The following ANKRD31 variants were observed in gnomAD, a reference collection of about 807,000 sequenced individuals.
The protein encoded by ANKRD31 is ankyrin repeat domain-containing protein 31.
In ANKRD31, 147 loss-of-function variants were observed where a neutral mutation model predicts 186.0. That is an observed-to-expected ratio of 0.79 (90% CI 0.69 to 0.91). The LOEUF (loss-of-function observed/expected upper bound fraction) is 0.91. ANKRD31 is among the 40% of genes least tolerant of loss of function. The probability of loss-of-function intolerance (pLI) is 0.00; values close to 1 mark genes in which losing one functional copy is unlikely to be tolerated. For missense variants in ANKRD31, 1,986 were observed against 2,148.8 expected (o/e 0.92, Z 1.50); for synonymous variants, 673 against 736.4 (o/e 0.91, Z 1.39).
rs1430325729 is a variant in ANKRD31 at position 75,180,831 on chromosome 5, T to G, written c.1564+7662A>C. ...TCAGGACATAGGCATGGGCAAGGACTTCATGTCTAAACACCAAAAGCAATG... is the reference window on the plus strand; with the variant it reads ...TCAGGACATAGGCATGGGCAAGGACGTCATGTCTAAACACCAAAAGCAATG... On this transcript the variant is annotated intron_variant, in intron 10 of 25. Transcript: ENST00000506364. Among the ~76,000 whole-genome samples, 35 of 152,090 alleles carry G rather than the reference T, an allele frequency of 2.3e-4. 1 individual carries two copies. Among genetic ancestry groups the G allele is most frequent in the Non-Finnish European group, 5.1e-4 (35 of 68,004 alleles).
intron 12 of ANKRD31, among the ~76,000 whole-genome samples, chr5:75,151,106 C>A (rs535288509): frequency 6.6e-6 from 1 of 151,878 alleles, no homozygotes; most frequent in Non-Finnish European, 1.5e-5. Flanking sequence ...AGCATTCAGA[C>A]AACTGCATTT....
At chr5:75,186,995 G>A (rs868426219) in intron 10 of ANKRD31, among the ~76,000 whole-genome samples, 1 of 150,640 alleles carries the variant, frequency 6.6e-6, no homozygotes, top group Non-Finnish European at 1.5e-5. Flanking sequence ...AGCTGAGAGA[G>A]TGAGTGTGTG....
chr5:75,160,542 G>A (rs956713748), intron 11 of ANKRD31, among the ~76,000 whole-genome samples: 8 of 152,100 alleles, frequency 5.3e-5, no homozygotes, highest in African/African-American at 1.9e-4. Context: ...AGGCAGAGAT[G>A]GTAAGATGTG....
chr5:75,076,824 A>G (rs984510622), intron 25 of ANKRD31, among the ~76,000 whole-genome samples: 1 of 152,178 alleles, frequency 6.6e-6, no homozygotes, highest in African/African-American at 2.4e-5. Flanking sequence ...TTTTAGAAGC[A>G]CTGTGGCAGG....
At chr5:75,152,345 G>GC (rs1279036461) in intron 12 of ANKRD31, among the ~76,000 whole-genome samples, 1 of 151,972 alleles carries the variant, frequency 6.6e-6, no homozygotes, top group East Asian at 1.9e-4. Context: ...GGTTTCCACC[G>GC]CCAGCCTAAG....
chr5:75,188,618 TG>T lies in ANKRD31; in HGVS notation c.1438del (p.His480IlefsTer13). 1 of 1,533,902 alleles carries T rather than the reference TG, an allele frequency of 6.5e-7. No individual in the cohort carries two copies. Among genetic ancestry groups the T allele is most frequent in the Non-Finnish European group, 8.7e-7 (1 of 1,145,694 alleles). On this transcript the variant is annotated frameshift_variant, in exon 10 of 26. Coordinates refer to ENST00000506364, the MANE Select transcript of ANKRD31 (RefSeq NM_001372053.1). LOFTEE classifies it high-confidence loss of function. ...AAAAATGTTTCTCCGGTTAATGCTA[TG>T]AAGAGATATTTTGTTCACCTTCATT... is the stretch of plus-strand genomic sequence containing the variant. ...EKMKVNKISL[H>X]SINRRNIFGE...
chr5:75,101,933 G>T (rs576136341), intron 22 of ANKRD31, among the ~76,000 whole-genome samples: 1 of 152,188 alleles, frequency 6.6e-6, no homozygotes, highest in Non-Finnish European at 1.5e-5. Context: ...CTCTCAACTT[G>T]TCAAAGTCAT....
intron 23 of ANKRD31, among the ~76,000 whole-genome samples, chr5:75,090,458 C>A (rs1292245694): frequency 6.6e-6 from 1 of 152,084 alleles, no homozygotes; most frequent in African/African-American, 2.4e-5. Flanking sequence ...GGAGAGTGGG[C>A]AGACCTGGGT....
intron 3 of ANKRD31, among the ~76,000 whole-genome samples, chr5:75,215,145 A>C (rs1756889570): frequency 6.6e-6 from 1 of 152,148 alleles, no homozygotes; most frequent in Non-Finnish European, 1.5e-5. Flanking sequence ...GGGAGAGCTA[A>C]TGGTGCTGAT....
intron 9 of ANKRD31, among the ~76,000 whole-genome samples, chr5:75,189,661 C>T (rs562861850): frequency 6.6e-6 from 1 of 152,222 alleles, no homozygotes; most frequent in East Asian, 1.9e-4. Flanking sequence ...GCCAGTTGTA[C>T]TTGTTATATT....
chr5:75,149,591 A>C (rs1356761028), intron 12 of ANKRD31, among the ~76,000 whole-genome samples: 2 of 151,908 alleles, frequency 1.3e-5, no homozygotes, highest in African/African-American at 2.4e-5. Context: ...CTCAATCCAG[A>C]GTTTCAGTCT....
intron 10 of ANKRD31, among the ~76,000 whole-genome samples, chr5:75,183,485 T>G (rs1484654750): frequency 6.6e-6 from 1 of 152,074 alleles, no homozygotes; most frequent in Admixed American, 6.6e-5. Flanking sequence ...TTGTCCCTGG[T>G]TGTGGATGAT....
At chr5:75,098,605 G>C (rs1046979961) in intron 22 of ANKRD31, among the ~76,000 whole-genome samples, 1 of 151,850 alleles carries the variant, frequency 6.6e-6, no homozygotes, top group Admixed American at 6.6e-5. Context: ...CTTTTATTTC[G>C]TTGAGCAGTG....
At chr5:75,203,881 G>C (rs1055653607) in intron 5 of ANKRD31, among the ~76,000 whole-genome samples, 1 of 152,016 alleles carries the variant, frequency 6.6e-6, no homozygotes, top group East Asian at 1.9e-4. Flanking sequence ...CTTGTAAAAA[G>C]TGCTAAATAG....
chr5:75,080,030 C>T (rs1231761092), intron 25 of ANKRD31, among the ~76,000 whole-genome samples: 1 of 151,620 alleles, frequency 6.6e-6, no homozygotes, highest in Non-Finnish European at 1.5e-5. Context: ...CCTGGGAGAT[C>T]GAGGCTGCAA....
chr5:75,224,490 A>G (rs1437810658), intron 2 of ANKRD31, among the ~76,000 whole-genome samples: 2 of 152,080 alleles, frequency 1.3e-5, no homozygotes, highest in African/African-American at 2.4e-5. Context: ...GAAAATGGAC[A>G]TACACACACA....
chr5:75,070,910 T>C (rs541346071), intron 25 of ANKRD31, among the ~76,000 whole-genome samples: 25 of 152,316 alleles, frequency 1.6e-4, no homozygotes, highest in African/African-American at 5.8e-4. Flanking sequence ...CTGGGCAACA[T>C]AGTGAGATCT....
intron 11 of ANKRD31, among the ~76,000 whole-genome samples, chr5:75,158,376 C>T (rs1304833936): frequency 6.6e-6 from 1 of 152,138 alleles, no homozygotes; most frequent in Non-Finnish European, 1.5e-5. Flanking sequence ...CAAGACTGCA[C>T]ACTGTGAGGG....
chr5:75,142,545 T>C (rs1751122545), intron 15 of ANKRD31, among the ~76,000 whole-genome samples: 1 of 152,192 alleles, frequency 6.6e-6, no homozygotes, highest in South Asian at 2.1e-4. Context: ...GATTCTTGTA[T>C]AGTTTCTGTT....
Sources: allele counts gnomAD v4.1 joint callset (sites outside exome capture counted in the v4.1 genomes callset), GRCh38; gene constraint gnomAD v4.1.1; transcripts MANE v1.5; gene names NCBI Gene and HGNC (gene_info 2026-07-23, HGNC 2026-07-21).